Variants in IQCH observed in about 807,000 individuals in gnomAD.
The protein encoded by IQCH is IQ motif containing H.
Under a neutral mutation model 117.0 loss-of-function variants are expected in IQCH, and 98 were observed. That is an observed-to-expected ratio of 0.84 (90% CI 0.71 to 0.99). The LOEUF is 0.99. Ranked by LOEUF, IQCH falls within the 50% of genes least tolerant of loss-of-function variation. IQCH has a pLI of 0.00. For synonymous variants in IQCH, 412 were observed against 448.2 expected, an observed-to-expected ratio of 0.92 and a Z score of 1.02; for missense variants, 1,102 against 1,243.8, an observed-to-expected ratio of 0.89 and a Z score of 1.72.
At chr15:67,299,069 A>G (rs1966891700) in intron 4 of IQCH, among the ~76,000 whole-genome samples, 1 of 140,000 alleles carries the variant, frequency 7.1e-6, no homozygotes, top group South Asian at 2.5e-4. Flanking sequence ...ACAATGGAAT[A>G]TATTCAGCCA....
chr15:67,358,198 C>CTTTTTTTTTTTTTTTTTTTTTTTTTTTT (rs1190464651), intron 7 of IQCH, among the ~76,000 whole-genome samples: 1 of 5,458 alleles, frequency 1.8e-4, no homozygotes, highest in African/African-American at 5.7e-4. Flanking sequence ...TCATGAGGCA[C>CTTTTTTTTTTTTTTTTTTTTTTTTTTTT]TTTCTTTTCT....
chr15:67,384,310 G>A lies in IQCH; in HGVS notation c.1373-626G>A, dbSNP rs1342938280. ...ATTTTTGGACAATAGTAATTCATAT[G>A]TGTTTTCCCTTCTGCTACGTTTCCA... On this transcript the variant is annotated intron_variant, in intron 10 of 20. Coordinates refer to ENST00000335894, the MANE Select transcript of IQCH (RefSeq NM_001031715.3). The surrounding 1 kb of genome is among the most constrained non-coding windows in gnomAD (Gnocchi z 4.3). Among the ~76,000 whole-genome samples the A allele has an allele frequency of 6.6e-6, 1 of 152,038 alleles. No homozygotes were observed. Among genetic ancestry groups the A allele is most frequent in the Non-Finnish European group, 1.5e-5 (1 of 68,000 alleles).
rs866534818 is a variant in IQCH at position 67,340,455 on chromosome 15, A to C, written c.508+3360A>C. Among the ~76,000 whole-genome samples, 1,143 of 147,160 alleles carry C rather than the reference A, an allele frequency of 7.8e-3. 20 individuals are homozygous for C. The highest frequency in any genetic ancestry group is 0.025 in the African/African-American group (1,017 of 39,920). On this transcript the variant is annotated intron_variant, in intron 5 of 20. Transcript: ENST00000335894. Reference sequence around the variant, plus strand: ...AAAAAAAAAAAAAAAAAAAAAAAAAAAAAAAAAAACAGTAACTTGTCATAC... The same window carrying C: ...AAAAAAAAAAAAAAAAAAAAAAAAACAAAAAAAAACAGTAACTTGTCATAC...
At position 67,357,193 on chromosome 15, in the gene IQCH, G is replaced by C. The variant is rs3825978; in HGVS notation, c.638-152G>C. 10 of 631,168 alleles carry C rather than the reference G, an allele frequency of 1.6e-5. No homozygotes were observed. The East Asian group carries it at 2.7e-4, about 17-fold the overall frequency. 39.1% of individuals were successfully genotyped at this position (631,168 alleles called of 1,614,324 possible). On this transcript the variant is annotated intron_variant, in intron 6 of 20. Transcript: ENST00000335894. ...CTTCCTTTTGAAGTCAGTGATCATAGCTGTTTCATTGAATGAATACAGAAA... is the reference window on the plus strand; with the variant it reads ...CTTCCTTTTGAAGTCAGTGATCATACCTGTTTCATTGAATGAATACAGAAA...
At chr15:67,429,387 G>A (rs1474177584) in intron 16 of IQCH, among the ~76,000 whole-genome samples, 1 of 152,006 alleles carries the variant, frequency 6.6e-6, no homozygotes, top group East Asian at 1.9e-4. Flanking sequence ...ACATGATGAT[G>A]TGCACCTATA....
rs1273850227 is a variant in IQCH, at chr15:67,481,857, G to A, written c.2799+6039G>A. Among the ~76,000 whole-genome samples the A allele has an allele frequency of 6.6e-6, 1 of 152,224 alleles. No individual in the cohort carries two copies. Among genetic ancestry groups the A allele is most frequent in the Non-Finnish European group, 1.5e-5 (1 of 68,036 alleles). On this transcript the variant is annotated intron_variant, in intron 18 of 20. Coordinates refer to ENST00000335894, the MANE Select transcript of IQCH (RefSeq NM_001031715.3). The surrounding 1 kb of genome is among the most constrained non-coding windows in gnomAD (Gnocchi z 4.1). ...AGAGAAATCTCAGTCTGGATTAAAAGAGACTGTTGCTGCTTAAGACTTAAA... is the reference window on the plus strand; with the variant it reads ...AGAGAAATCTCAGTCTGGATTAAAAAAGACTGTTGCTGCTTAAGACTTAAA...
rs1164563609 is a variant in IQCH, at chr15:67,447,845, C to G, written c.2506-17282C>G. Among the ~76,000 whole-genome samples, 2 of 152,188 alleles carry G rather than the reference C, an allele frequency of 1.3e-5. No individual in the cohort carries two copies. The highest frequency in any genetic ancestry group is 4.8e-5 in the African/African-American group (2 of 41,452). On this transcript the variant is annotated intron_variant, in intron 16 of 20. Coordinates refer to ENST00000335894, the MANE Select transcript of IQCH (RefSeq NM_001031715.3). This position sits in a 1 kb window ranked among gnomAD's most constrained non-coding sequence, Gnocchi z 5.3. Reference sequence around the variant, plus strand: ...GCGTTTTAGAAAGTGGCACTGTCCTCAGAGCTGAGTCTTTATGCTGATGGA... The same window carrying G: ...GCGTTTTAGAAAGTGGCACTGTCCTGAGAGCTGAGTCTTTATGCTGATGGA...
rs1971151440 is a variant in IQCH, at chr15:67,387,700, C to T, written c.1457-1131C>T. On this transcript the variant is annotated intron_variant, in intron 11 of 20. Coordinates refer to ENST00000335894, the MANE Select transcript of IQCH (RefSeq NM_001031715.3). This position sits in a 1 kb window ranked among gnomAD's most constrained non-coding sequence, Gnocchi z 4.8. ...CACTTACTATGTGCCAGATGCTGCA[C>T]CAGATACTTTCTATATCTTCACTCA... Among the ~76,000 whole-genome samples the T allele has an allele frequency of 2.0e-5, 3 of 152,154 alleles. No homozygotes were observed. The highest frequency in any genetic ancestry group is 7.2e-5 in the African/African-American group (3 of 41,434).
intron 4 of IQCH, among the ~76,000 whole-genome samples, chr15:67,296,704 A>G (rs1197771223): frequency 6.6e-6 from 1 of 152,194 alleles, no homozygotes; most frequent in African/African-American, 2.4e-5. Flanking sequence ...ACATTTCTTT[A>G]TAATGTGGCA....
rs962470360 is a variant in IQCH, at chr15:67,384,990, T to A, written c.1427T>A (p.Met476Lys). The stretch of plus-strand genomic sequence containing the variant: ...GCCGATTTCAACACACAGCAGAACA[T>A]GCAGCTGGGGAGGCTGTGTGACATC... ...HIADFNTQQN[M>K]QLGRLCDILD... The change falls in exon 11 of 21, where the codon ATG (methionine) becomes AAG (lysine). Residue 476 changes from methionine to lysine, a missense_variant. Around this residue, in one of 2 missense-constraint regions of IQCH, gnomAD observed 650 missense variants for 794.3 expected, o/e 0.82. Coordinates refer to ENST00000335894, the MANE Select transcript of IQCH (RefSeq NM_001031715.3). This position sits in a 1 kb window ranked among gnomAD's most constrained non-coding sequence, Gnocchi z 4.3. 6.2e-7 allele frequency: 1 copy of A among 1,611,706 alleles called. No individual in the cohort carries two copies. Among genetic ancestry groups the A allele is most frequent in the African/African-American group, 1.3e-5 (1 of 74,852 alleles).
rs142130546 is a variant in IQCH, at chr15:67,261,684, C to A, written c.174+290C>A. On this transcript the variant is annotated intron_variant, in intron 2 of 20. Transcript: ENST00000335894. Reference sequence around the variant, plus strand: ...GGAGTATGAAAAATAATTACTATTACTTGATCTTAGCCAAAAGGCCAAGAA... The same window carrying A: ...GGAGTATGAAAAATAATTACTATTAATTGATCTTAGCCAAAAGGCCAAGAA... 6.6e-3 allele frequency among the ~76,000 whole-genome samples: 999 copies of A among 152,254 alleles called. 12 individuals are homozygous for A. Among genetic ancestry groups the A allele is most frequent in the African/African-American group, 0.023 (957 of 41,554 alleles).
chr15:67,379,819 G>A (rs1055205635), intron 10 of IQCH, among the ~76,000 whole-genome samples: 5 of 152,134 alleles, frequency 3.3e-5, no homozygotes, highest in Admixed American at 2.6e-4. Flanking sequence ...GGAACTGTGA[G>A]TCAAATAAAC....
chr15:67,419,048 C>CT (rs2081655526), intron 15 of IQCH, among the ~76,000 whole-genome samples: 1 of 152,172 alleles, frequency 6.6e-6, no homozygotes, highest in African/African-American at 2.4e-5. Context: ...TTCCCAGCGA[C>CT]TGTCTCATCT....
intron 4 of IQCH, among the ~76,000 whole-genome samples, chr15:67,326,237 G>A (rs1264098712): frequency 2.0e-5 from 3 of 152,122 alleles, no homozygotes; most frequent in East Asian, 1.9e-4. Flanking sequence ...TTGTCCTTGC[G>A]ATAGTTTGCT....
chr15:67,328,420 C>T (rs1422761901), intron 4 of IQCH, among the ~76,000 whole-genome samples: 1 of 152,036 alleles, frequency 6.6e-6, no homozygotes, highest in East Asian at 1.9e-4. Flanking sequence ...TTTTGAATTG[C>T]ATAATGCCTT....
intron 5 of IQCH, among the ~76,000 whole-genome samples, chr15:67,340,448 A>C (rs1273334769): frequency 3.0e-4 from 44 of 146,140 alleles, no homozygotes; most frequent in Non-Finnish European, 5.2e-4. Flanking sequence ...AAAAAAAAAA[A>C]AAAAAAAAAA....
rs192117545 is a variant in IQCH, at chr15:67,386,614, G to A, written c.1456+1595G>A. On this transcript the variant is annotated intron_variant, in intron 11 of 20. Transcript: ENST00000335894. This position sits in a 1 kb window ranked among gnomAD's most constrained non-coding sequence, Gnocchi z 5.0. The stretch of plus-strand genomic sequence containing the variant: ...CCCCTATGGTTTTTCTTCTTATTCG[G>A]GGGAAACAAAGATAATCCAGTCACA... Among the ~76,000 whole-genome samples the A allele has an allele frequency of 2.6e-4, 39 of 152,112 alleles. No individual in the cohort carries two copies. The highest frequency in any genetic ancestry group is 8.9e-4 in the African/African-American group (37 of 41,496).
intron 3 of IQCH, among the ~76,000 whole-genome samples, chr15:67,271,739 C>T (rs1429164249): frequency 6.6e-6 from 1 of 151,936 alleles, no homozygotes; most frequent in Non-Finnish European, 1.5e-5. Context: ...TGTGATAATT[C>T]TTTGTATTTC....
intron 4 of IQCH, among the ~76,000 whole-genome samples, chr15:67,317,601 A>G (rs1400848452): frequency 1.3e-5 from 2 of 152,190 alleles, no homozygotes; most frequent in African/African-American, 2.4e-5. Flanking sequence ...TAAAGCATTC[A>G]TATGGTATAC....
Sources: gnomAD v4.1 joint callset for allele counts (sites outside exome capture counted in the v4.1 genomes callset) on GRCh38, gnomAD v4.1.1 for gene constraint, gnomAD v4.1.1 regional missense constraint, Gnocchi (gnomAD v3.1) non-coding constraint, MANE v1.5 for transcripts, NCBI Gene and HGNC (gene_info 2026-07-23, HGNC 2026-07-21) for gene names.